Variants in FMN1 observed in about 807,000 individuals in gnomAD.
FMN1 encodes the protein formin-1.
FMN1 carries 110 observed loss-of-function variants against 132.4 expected under a neutral mutation model. The observed-to-expected ratio is 0.83, with a 90% CI of 0.71 to 0.97. The LOEUF is 0.97. Among genes scored for constraint, FMN1 ranks in the 50% least tolerant of loss-of-function variants. The probability of loss-of-function intolerance (pLI) is 0.00; values close to 1 mark genes in which losing one functional copy is unlikely to be tolerated. For synonymous variants in FMN1, 722 were observed against 651.7 expected, an observed-to-expected ratio of 1.11 and a Z score of -1.64; for missense variants, 1,792 against 1,705.3, an observed-to-expected ratio of 1.05 and a Z score of -0.90.
chr15:33,038,289 T>C (rs925285353), intron 6 of FMN1, among the ~76,000 whole-genome samples: 5 of 152,192 alleles, frequency 3.3e-5, no homozygotes, highest in Non-Finnish European at 5.9e-5. Context: ...ATGTAGCTAA[T>C]TGAATCTAAG....
intron 4 of FMN1, among the ~76,000 whole-genome samples, chr15:33,125,375 G>A (rs1000315496): frequency 2.0e-5 from 3 of 152,168 alleles, no homozygotes; most frequent in African/African-American, 7.2e-5. Flanking sequence ...CAGTCTTGAA[G>A]GTTAGTTCTA....
intron 4 of FMN1, among the ~76,000 whole-genome samples, chr15:33,116,770 G>A (rs1036110867): frequency 2.6e-5 from 4 of 151,554 alleles, no homozygotes; most frequent in African/African-American, 9.7e-5. Context: ...TTTCCCTCAT[G>A]AGAAATAGTC....
At chr15:32,879,391 G>C (rs918548823) in intron 16 of FMN1, among the ~76,000 whole-genome samples, 1 of 152,168 alleles carries the variant, frequency 6.6e-6, no homozygotes, top group African/African-American at 2.4e-5. Context: ...AAGGAGGAAA[G>C]AGCTAATAAA....
chr15:32,941,396 C>A (rs1260234042), intron 9 of FMN1, among the ~76,000 whole-genome samples: 1 of 152,162 alleles, frequency 6.6e-6, no homozygotes, highest in Non-Finnish European at 1.5e-5. Flanking sequence ...TTTGGGTTGG[C>A]CCAGAAGTCC....
At chr15:32,974,231 C>T (rs2032019919) in intron 7 of FMN1, among the ~76,000 whole-genome samples, 1 of 152,218 alleles carries the variant, frequency 6.6e-6, no homozygotes, top group Non-Finnish European at 1.5e-5. Flanking sequence ...CTCTCTCACT[C>T]TTCCTGCTAA....
intron 6 of FMN1, among the ~76,000 whole-genome samples, chr15:33,053,396 G>T (rs1289677206): frequency 6.6e-6 from 1 of 152,180 alleles, no homozygotes; most frequent in Admixed American, 6.5e-5. Flanking sequence ...TTGGCACTTG[G>T]AGCTGCCAGC....
At chr15:32,824,989 G>A (rs920793317) in intron 17 of FMN1, among the ~76,000 whole-genome samples, 5 of 152,170 alleles carry the variant, frequency 3.3e-5, no homozygotes, top group South Asian at 2.1e-4. Context: ...AAATAGCATC[G>A]ACATTCACTA....
intron 3 of FMN1, among the ~76,000 whole-genome samples, chr15:33,167,574 G>T (rs1425348324): frequency 6.6e-6 from 1 of 152,008 alleles, no homozygotes; most frequent in East Asian, 1.9e-4. Context: ...CAGGGGTTGG[G>T]GTGCTGACTC....
chr15:32,858,971 G>GAGAGAGTAGAT (rs1481354333), intron 16 of FMN1, among the ~76,000 whole-genome samples: 8 of 152,150 alleles, frequency 5.3e-5, no homozygotes, highest in Admixed American at 5.2e-4. Context: ...TCCAAGGAGC[G>GAGAGAGTAGAT]AGAGAGTAGA....
intron 6 of FMN1, among the ~76,000 whole-genome samples, chr15:33,014,654 A>G (rs1437632822): frequency 3.9e-5 from 6 of 152,244 alleles, no homozygotes; most frequent in Non-Finnish European, 1.5e-5. Context: ...AAAAAAAATG[A>G]AAGAACTTTC....
chr15:32,882,935 T>C (rs1172814964), intron 16 of FMN1, among the ~76,000 whole-genome samples: 1 of 152,246 alleles, frequency 6.6e-6, no homozygotes, highest in South Asian at 2.1e-4. Context: ...ACAGATACAT[T>C]GATTCCTGAC....
At chr15:33,104,292 A>G (rs1023814822) in intron 4 of FMN1, among the ~76,000 whole-genome samples, 3 of 152,162 alleles carry the variant, frequency 2.0e-5, no homozygotes, top group Non-Finnish European at 4.4e-5. Flanking sequence ...TTCAGGAGTC[A>G]TGTTTTTACT....
At chr15:33,004,263 A>G (rs2034284675) in intron 7 of FMN1, among the ~76,000 whole-genome samples, 2 of 152,224 alleles carry the variant, frequency 1.3e-5, no homozygotes, top group African/African-American at 4.8e-5. Flanking sequence ...GGCAACCTAC[A>G]GAATGGGAGA....
intron 17 of FMN1, among the ~76,000 whole-genome samples, chr15:32,820,098 C>T (rs72486668): frequency 0.14 from 21,625 of 152,080 alleles, 1,887 homozygotes; most frequent in East Asian, 0.45. Flanking sequence ...CAACCAAAAT[C>T]CATCAATACA....
At position 32,830,302 on chromosome 15, in the gene FMN1, C is replaced by T. The variant is rs78131276; in HGVS notation, c.3929-25970G>A. 1.8e-3 allele frequency among the ~76,000 whole-genome samples: 280 copies of T among 152,296 alleles called. 1 individual carries two copies. The highest frequency in any genetic ancestry group is 3.1e-3 in the Non-Finnish European group (208 of 68,034). On this transcript the variant is annotated intron_variant, in intron 17 of 20. Transcript: ENST00000616417. ...GACAGATTTTTAAAAATAATCACCC[C>T]TATTGTAAGGGATAGTCACTCCTGA...
rs144520515 is a variant in FMN1 at position 33,135,864 on chromosome 15, G to T, written c.1867+17184C>A. 8.5e-5 allele frequency among the ~76,000 whole-genome samples: 13 copies of T among 152,310 alleles called. No homozygotes were observed. In the East Asian group the frequency reaches 2.5e-3, roughly 29 times the overall value. On this transcript the variant is annotated intron_variant, in intron 4 of 20. Coordinates refer to ENST00000616417, the MANE Select transcript of FMN1 (RefSeq NM_001277313.2). Reference sequence around the variant, plus strand: ...ACCCACATGCCCTGCTGTACATAGAGTATACAATTGGCTGATTATGTTTTG... The same window carrying T: ...ACCCACATGCCCTGCTGTACATAGATTATACAATTGGCTGATTATGTTTTG...
At chr15:32,927,209 T>C (rs531756523) in intron 9 of FMN1, among the ~76,000 whole-genome samples, 3 of 152,334 alleles carry the variant, frequency 2.0e-5, no homozygotes, top group African/African-American at 7.2e-5. Flanking sequence ...TATTTGTTAT[T>C]ATTAATATAA....
At chr15:32,899,495 AGC>A (rs1290375072) in intron 14 of FMN1, among the ~76,000 whole-genome samples, 2 of 152,328 alleles carry the variant, frequency 1.3e-5, no homozygotes, top group East Asian at 3.9e-4. Context: ...CTAAAGAGGT[AGC>A]GCCACAGGGG....
chr15:32,878,310 C>T (rs904768332), intron 16 of FMN1, among the ~76,000 whole-genome samples: 2 of 152,102 alleles, frequency 1.3e-5, no homozygotes, highest in African/African-American at 4.8e-5. Flanking sequence ...TCAGTTTGTA[C>T]GGCATGAGTA....
Sources: gnomAD v4.1 joint callset for allele counts (sites outside exome capture counted in the v4.1 genomes callset) on GRCh38, gnomAD v4.1.1 for gene constraint, MANE v1.5 for transcripts, NCBI Gene and HGNC (gene_info 2026-07-23, HGNC 2026-07-21) for gene names.